Variants in NRXN1 observed in about 807,000 individuals in gnomAD.
NRXN1 encodes the protein neurexin-1.
NRXN1 carries 39 observed loss-of-function variants against 150.9 expected under a neutral mutation model. The ratio of observed to expected loss-of-function variants is 0.26; its 90% CI spans 0.20 to 0.34. NRXN1 has a LOEUF of 0.34. Among genes scored for constraint, NRXN1 ranks in the 10% least tolerant of loss-of-function variants. The pLI, the probability that NRXN1 is intolerant of heterozygous loss-of-function variation, is 1.00. For synonymous variants in NRXN1, 924 were observed against 757.0 expected (o/e 1.22, Z -3.62); for missense variants, 1,815 against 1,949.9 (o/e 0.93, Z 1.30).
At chr2:50,114,238 G>A (rs1347595238) in intron 18 of NRXN1, among the ~76,000 whole-genome samples, 1 of 151,976 alleles carries the variant, frequency 6.6e-6, no homozygotes, top group African/African-American at 2.4e-5. Context: ...TATACAAATG[G>A]CAAATACATA....
intron 18 of NRXN1, among the ~76,000 whole-genome samples, chr2:50,158,061 TTGAG>T (rs2059131803): frequency 9.5e-6 from 1 of 105,508 alleles, no homozygotes. Flanking sequence ...TTATAAGAAG[TTGAG>T]TGTGTGTGTG....
intron 19 of NRXN1, among the ~76,000 whole-genome samples, chr2:50,078,249 TAAC>T (rs1007769907): frequency 6.6e-6 from 1 of 152,070 alleles, no homozygotes; most frequent in Non-Finnish European, 1.5e-5. Context: ...AAATTTTTTT[TAAC>T]AACAAATGCA....
At position 50,354,711 on chromosome 2, in the gene NRXN1, T is replaced by C. The variant is rs765266998; in HGVS notation, c.3364+110731A>G. ...TGTTACATATAATTCCTAATACTGG[T>C]CATCCAAATAGTCACCATAACAAAA... On this transcript the variant is annotated intron_variant, in intron 17 of 22. Coordinates refer to ENST00000401669, the MANE Select transcript of NRXN1 (RefSeq NM_001330078.2). 4.9e-4 allele frequency among the ~76,000 whole-genome samples: 75 copies of C among 151,572 alleles called. 1 individual carries two copies. The highest frequency in any genetic ancestry group is 3.3e-4 in the Admixed American group (5 of 15,154).
intron 9 of NRXN1, among the ~76,000 whole-genome samples, chr2:50,551,011 GGAGGAAGAGGAAGAGGAA>G (rs1172928653): frequency 1.0e-4 from 12 of 119,220 alleles, no homozygotes; most frequent in Admixed American, 1.8e-4. Context: ...AAGAAGAGGA[GGAGGAAGAGGAAGAGGAA>G]GAGGAAGAGG....
intron 5 of NRXN1, among the ~76,000 whole-genome samples, chr2:50,742,607 CA>C (rs376431319): frequency 0.015 from 1,024 of 69,822 alleles, 3 homozygotes; most frequent in African/African-American, 0.052. Flanking sequence ...GACTCCGTCT[CA>C]AAAAAAAAAA....
rs183989802 is a variant in NRXN1 at position 50,911,292 on chromosome 2, T to C, written c.832+10577A>G. Among the ~76,000 whole-genome samples the C allele has an allele frequency of 3.2e-4, 49 of 152,012 alleles. 1 individual carries two copies. The highest frequency in any genetic ancestry group is 1.0e-3 in the African/African-American group (43 of 41,522). ...TGACAACATTACAATCTCGTGTTCT[T>C]GTCCCCATAGGAGCTTGACCTTATC... On this transcript the variant is annotated intron_variant, in intron 5 of 22. Coordinates refer to ENST00000401669, the MANE Select transcript of NRXN1 (RefSeq NM_001330078.2).
At chr2:51,009,466 G>A (rs1667526826) in intron 2 of NRXN1, among the ~76,000 whole-genome samples, 1 of 151,852 alleles carries the variant, frequency 6.6e-6, no homozygotes, top group African/African-American at 2.4e-5. Flanking sequence ...CGGGACAAAA[G>A]GAATGGGAAG....
At chr2:50,182,806 T>C (rs1399866381) in intron 18 of NRXN1, among the ~76,000 whole-genome samples, 1 of 152,078 alleles carries the variant, frequency 6.6e-6, no homozygotes, top group Non-Finnish European at 1.5e-5. Flanking sequence ...CTACATTTCA[T>C]AATTATTGGG....
At chr2:50,311,745 T>A (rs1292486245) in intron 17 of NRXN1, among the ~76,000 whole-genome samples, 1 of 152,160 alleles carries the variant, frequency 6.6e-6, no homozygotes, top group African/African-American at 2.4e-5. Flanking sequence ...CTTATTTGAA[T>A]TCCAGGGTAG....
intron 5 of NRXN1, among the ~76,000 whole-genome samples, chr2:50,763,181 T>C (rs1347624891): frequency 1.3e-5 from 2 of 152,014 alleles, no homozygotes; most frequent in African/African-American, 4.8e-5. Flanking sequence ...AATCGACTAG[T>C]TCCTGTAATT....
rs1272473839 is a variant in NRXN1, at chr2:49,920,199, TA to T, written c.*1744del. The T allele has an allele frequency of 6.6e-6, 1 of 152,216 alleles. No individual in the cohort carries two copies. The highest frequency in any genetic ancestry group is 1.9e-4 in the East Asian group (1 of 5,206). The allele number at this position is 152,216 out of a possible 1,614,324, so 9.4% of individuals were successfully genotyped here. A position where few individuals can be genotyped will look rare whatever the true frequency, so the allele number is the denominator to read the frequency against. On this transcript the variant is annotated 3_prime_UTR_variant, in exon 23 of 23. Coordinates refer to ENST00000401669, the MANE Select transcript of NRXN1 (RefSeq NM_001330078.2). Reference sequence around the variant, plus strand: ...AAAACTATATTTAATGATATATATGTAAAACCAGAAAAGTTAAAACATAGTC... The same window carrying T: ...AAAACTATATTTAATGATATATATGTAAACCAGAAAAGTTAAAACATAGTC...
At chr2:50,691,748 C>T (rs1333777134) in intron 5 of NRXN1, among the ~76,000 whole-genome samples, 1 of 152,072 alleles carries the variant, frequency 6.6e-6, no homozygotes, top group Non-Finnish European at 1.5e-5. Flanking sequence ...TTTAGTTAGT[C>T]AGTCTTCTTG....
chr2:50,371,928 T>C (rs941684104), intron 17 of NRXN1, among the ~76,000 whole-genome samples: 3 of 152,058 alleles, frequency 2.0e-5, no homozygotes, highest in Admixed American at 2.0e-4. Flanking sequence ...CCACCTCTCA[T>C]GTTATCATGG....
chr2:51,003,712 C>T (rs919229076), intron 2 of NRXN1, among the ~76,000 whole-genome samples: 3 of 151,864 alleles, frequency 2.0e-5, no homozygotes, highest in African/African-American at 7.2e-5. Flanking sequence ...ACAATAGTAA[C>T]ATATTTCTGC....
intron 21 of NRXN1, among the ~76,000 whole-genome samples, chr2:50,049,213 G>T (rs1300228562): frequency 6.6e-6 from 1 of 152,110 alleles, no homozygotes; most frequent in African/African-American, 2.4e-5. Flanking sequence ...TGAACATCAG[G>T]TATGCACAGG....
rs985394885 is a variant in NRXN1 at position 50,177,429 on chromosome 2, G to C, written c.3546+59360C>G. ...TTATTTTCTGTATGTTTACTTTGCT[G>C]TCCCATTTCTATAATATAGAAAAGT... On this transcript the variant is annotated intron_variant, in intron 18 of 22. Coordinates refer to ENST00000401669, the MANE Select transcript of NRXN1 (RefSeq NM_001330078.2). 1.0e-3 allele frequency among the ~76,000 whole-genome samples: 158 copies of C among 151,888 alleles called. 1 individual carries two copies. The highest frequency in any genetic ancestry group is 0.01 in the Admixed American group (156 of 15,238).
chr2:50,517,306 A>T (rs903872986), intron 12 of NRXN1, among the ~76,000 whole-genome samples: 2 of 152,134 alleles, frequency 1.3e-5, no homozygotes, highest in Non-Finnish European at 2.9e-5. Context: ...CTTCTCCTCA[A>T]TGAGTTTAAA....
chr2:50,705,943 T>C (rs955862707), intron 5 of NRXN1, among the ~76,000 whole-genome samples: 3 of 152,100 alleles, frequency 2.0e-5, no homozygotes, highest in African/African-American at 2.4e-5. Context: ...AGTCAGTAAG[T>C]AGTACAAAGA....
intron 5 of NRXN1, among the ~76,000 whole-genome samples, chr2:50,817,172 A>C (rs1334296067): frequency 6.6e-6 from 1 of 152,120 alleles, no homozygotes; most frequent in African/African-American, 2.4e-5. Flanking sequence ...AACAGAGTAA[A>C]TATTTTCCCA....
Sources: allele counts gnomAD v4.1 joint callset (sites outside exome capture counted in the v4.1 genomes callset), GRCh38; gene constraint gnomAD v4.1.1; transcripts MANE v1.5; gene names NCBI Gene and HGNC (gene_info 2026-07-23, HGNC 2026-07-21).